Variants in PITPNM3 observed in about 807,000 individuals in gnomAD.
PITPNM3 encodes the protein PITPNM family member 3.
A neutral mutation model predicts 102.0 loss-of-function variants in PITPNM3; 26 were observed. The ratio of observed to expected loss-of-function variants is 0.25; its 90% CI spans 0.19 to 0.35. The LOEUF (loss-of-function observed/expected upper bound fraction) is 0.35, where lower values mean the gene tolerates loss of function less well. Ranked by LOEUF, PITPNM3 falls within the 10% of genes least tolerant of loss-of-function variation. PITPNM3 has a pLI of 1.00. For synonymous variants in PITPNM3, 578 were observed against 558.6 expected (o/e 1.03, Z -0.49); for missense variants, 1,083 against 1,346.1 (o/e 0.80, Z 3.06).
chr17:6,525,761 A>C (rs975532568), intron 2 of PITPNM3, among the ~76,000 whole-genome samples: 2 of 152,234 alleles, frequency 1.3e-5, no homozygotes, highest in African/African-American at 2.4e-5. Context: ...TATCTCTTGA[A>C]AGTCAGTGTG....
intron 2 of PITPNM3, among the ~76,000 whole-genome samples, chr17:6,536,534 C>T (rs1467459893): frequency 6.6e-6 from 1 of 152,126 alleles, no homozygotes; most frequent in African/African-American, 2.4e-5. Flanking sequence ...AAGGGGTTCC[C>T]CGCCCAGAGC....
intron 3 of PITPNM3, among the ~76,000 whole-genome samples, chr17:6,514,307 A>G (rs1230359320): frequency 7.7e-6 from 1 of 129,968 alleles, no homozygotes; most frequent in Non-Finnish European, 1.7e-5. Context: ...AAAAGACATT[A>G]TCAAAAAAAA....
intron 8 of PITPNM3, among the ~76,000 whole-genome samples, chr17:6,477,700 C>T (rs1905394907): frequency 6.6e-6 from 1 of 152,162 alleles, no homozygotes; most frequent in Non-Finnish European, 1.5e-5. Context: ...CACCCACCAC[C>T]ATGCCCGGCT....
At position 6,453,376 on chromosome 17, in the gene PITPNM3, G is replaced by C. The variant is rs1380892345; in HGVS notation, c.*1962C>G. ...TAGGGTTGGGGTGGCTATGCCATAT[G>C]AGCTGGTGCCTTTGGAAAGCCAAGA... is the stretch of plus-strand genomic sequence containing the variant. On this transcript the variant is annotated 3_prime_UTR_variant, in exon 20 of 20. Transcript: ENST00000262483. The C allele has an allele frequency of 6.6e-6, 1 of 152,350 alleles. No individual in the cohort carries two copies. Among genetic ancestry groups the C allele is most frequent in the Non-Finnish European group, 1.5e-5 (1 of 68,146 alleles). 9.4% of individuals were successfully genotyped at this position (152,350 alleles called of 1,614,324 possible).
chr17:6,464,514 G>A (rs1904661691), intron 15 of PITPNM3, 141 bp downstream of exon 15: 1 of 1,072,976 alleles, frequency 9.3e-7, no homozygotes, highest in Non-Finnish European at 1.4e-6. Context: ...GCCCGCCCAA[G>A]CAGGTGGGTA....
chr17:6,492,489 A>G (rs968554368), intron 4 of PITPNM3, among the ~76,000 whole-genome samples: 1 of 152,232 alleles, frequency 6.6e-6, no homozygotes, highest in East Asian at 1.9e-4. Context: ...GTATAAAAGG[A>G]TAAGAAATGC....
rs1401279916 is a variant in PITPNM3, at chr17:6,455,574, T to C, written c.2689A>G (p.Asn897Asp). The C allele has an allele frequency of 1.9e-6, 3 of 1,599,404 alleles. No individual in the cohort carries two copies. In the African/African-American group the frequency reaches 4.1e-5, roughly 22 times the overall value. Residue 897 changes from asparagine to aspartate, a missense_variant, in exon 20 of 20, where the codon AAC (asparagine) becomes GAC (aspartate). Physicochemically the swap from Asn to Asp is conservative, Grantham distance 23. This residue lies in a region of PITPNM3 where 208 missense variants were observed against 178.2 expected (regional missense o/e 1.17). Transcript: ENST00000262483. The stretch of plus-strand genomic sequence containing the variant: ...TTGCGCAGGATCATGCGCGAGTTGT[T>C]CTTCTTTGGGCGTGAGCGGTGGCTG... Reference protein sequence around the residue: ...EASHRSRPKKNNSRMILRKGS... With the variant: ...EASHRSRPKKDNSRMILRKGS...
At chr17:6,477,340 CA>C in intron 8 of PITPNM3, 127 bp from the exon 9 acceptor site, 2 of 991,232 alleles carry the variant, frequency 2.0e-6, no homozygotes. Context: ...ACCCTTCTTC[CA>C]AAAGACACAG....
intron 4 of PITPNM3, among the ~76,000 whole-genome samples, chr17:6,501,044 C>T (rs566711606): frequency 6.6e-6 from 1 of 152,314 alleles, no homozygotes; most frequent in South Asian, 2.1e-4. Flanking sequence ...ACTACTTAAA[C>T]ACACATTTTT....
intron 9 of PITPNM3, 24 bp from the exon 10 acceptor site, chr17:6,474,628 G>A: frequency 6.5e-7 from 1 of 1,549,948 alleles, no homozygotes. Context: ...AGGACGCAGG[G>A]CAGGGCAGGT....
chr17:6,554,734 C>T (rs1597426258), intron 1 of PITPNM3, among the ~76,000 whole-genome samples: 1 of 133,646 alleles, frequency 7.5e-6, no homozygotes, highest in Non-Finnish European at 1.5e-5. Context: ...TCCAATAGAC[C>T]TGGCTGTGAG....
chr17:6,457,784 C>T lies in PITPNM3; in HGVS notation c.2491-62G>A. On this transcript the variant is annotated intron_variant, in intron 18 of 19. Transcript: ENST00000262483. The surrounding 1 kb of genome is among the most constrained non-coding windows in gnomAD (Gnocchi z 4.7). Reference sequence around the variant, plus strand: ...CAGCCCACCCCCTGGAAAGCCTTCCCAGGCCAACCCCAGGGGGCCCCTGCT... The same window carrying T: ...CAGCCCACCCCCTGGAAAGCCTTCCTAGGCCAACCCCAGGGGGCCCCTGCT... The T allele has an allele frequency of 6.5e-7, 1 of 1,547,888 alleles. No homozygotes were observed. Among genetic ancestry groups the T allele is most frequent in the Non-Finnish European group, 8.7e-7 (1 of 1,146,476 alleles).
At position 6,472,611 on chromosome 17, in the gene PITPNM3, C is replaced by T. The variant is rs755037929; in HGVS notation, c.1429+46G>A. On this transcript the variant is annotated intron_variant, in intron 11 of 19. Coordinates refer to ENST00000262483, the MANE Select transcript of PITPNM3 (RefSeq NM_031220.4). The surrounding 1 kb of genome is among the most constrained non-coding windows in gnomAD (Gnocchi z 4.1). ...CTTGGAGGGGTTGAATGGGCTGGGGCCCCACCTCCAGCTCAGCACACTCTC... is the reference window on the plus strand; with the variant it reads ...CTTGGAGGGGTTGAATGGGCTGGGGTCCCACCTCCAGCTCAGCACACTCTC... The T allele has an allele frequency of 3.2e-6, 5 of 1,586,526 alleles. No homozygotes were observed. Among genetic ancestry groups the T allele is most frequent in the Non-Finnish European group, 4.3e-6 (5 of 1,167,326 alleles).
intron 3 of PITPNM3, among the ~76,000 whole-genome samples, chr17:6,513,459 T>C (rs1907984423): frequency 6.6e-6 from 1 of 152,292 alleles, no homozygotes; most frequent in Non-Finnish European, 1.5e-5. Flanking sequence ...GGTTGCAATA[T>C]AGAGGATCAA....
Position 6,469,420 on chromosome 17 carries a change from AAG to A in PITPNM3, c.1773+838_1773+839del, listed in dbSNP as rs1904948365. 1.8e-5 allele frequency among the ~76,000 whole-genome samples: 2 copies of A among 113,358 alleles called. No homozygotes were observed. 74.4% of individuals were successfully genotyped at this position (113,358 alleles called of 152,430 possible). A position where few individuals can be genotyped will look rare whatever the true frequency, so the allele number is the denominator to read the frequency against. On this transcript the variant is annotated intron_variant, in intron 13 of 19. Transcript: ENST00000262483. This position sits in a 1 kb window ranked among gnomAD's most constrained non-coding sequence, Gnocchi z 4.0. ...GCCCAGCACACTCTCTCCCACCCCC[AAG>A]AACCTACAAACAAAACTCACTTTCC...
At position 6,538,374 on chromosome 17, in the gene PITPNM3, G is replaced by A. The variant is rs543835153; in HGVS notation, c.23-292C>T. 1.8e-4 allele frequency among the ~76,000 whole-genome samples: 27 copies of A among 151,162 alleles called. No individual in the cohort carries two copies. In the South Asian group the frequency reaches 3.7e-3, roughly 21 times the overall value. Reference sequence around the variant, plus strand: ...TGCCAAGGTGACTTTGCCAAGCAGCGTCTCAGTCAGCACAGGGGAAGCTCT... The same window carrying A: ...TGCCAAGGTGACTTTGCCAAGCAGCATCTCAGTCAGCACAGGGGAAGCTCT... On this transcript the variant is annotated intron_variant, in intron 1 of 19. Transcript: ENST00000262483.
At chr17:6,461,202 G>A (rs1390763235) in intron 18 of PITPNM3, among the ~76,000 whole-genome samples, 171 bp downstream of exon 18, 1 of 152,204 alleles carries the variant, frequency 6.6e-6, no homozygotes, top group Admixed American at 6.5e-5. Context: ...TCAACGACGA[G>A]ACTAATAACC....
chr17:6,516,150 G>A (rs1036497623), intron 3 of PITPNM3, among the ~76,000 whole-genome samples: 20 of 152,212 alleles, frequency 1.3e-4, no homozygotes, highest in African/African-American at 4.1e-4. Context: ...GGAGACTGAT[G>A]AAGAGAAAAT....
rs1268269477 is a variant in PITPNM3 at position 6,461,417 on chromosome 17, G to T, written c.2446C>A (p.Pro816Thr). 5 of 1,614,182 alleles carry T rather than the reference G, an allele frequency of 3.1e-6. No individual in the cohort carries two copies. Among genetic ancestry groups the T allele is most frequent in the Non-Finnish European group, 4.2e-6 (5 of 1,180,044 alleles). The change falls in exon 18 of 20, where the codon CCG (proline) becomes ACG (threonine). Residue 816 changes from proline (P) to threonine (T), a missense_variant. This residue lies in a region of PITPNM3 where 410 missense variants were observed against 638.4 expected (regional missense o/e 0.64). Coordinates refer to ENST00000262483, the MANE Select transcript of PITPNM3 (RefSeq NM_031220.4). ...AGGAAGATGGCCTTCTGCCGCAGCG[G>T]GTCATGCACCAGCCCATCGGAGAAG... ...IFFSDGLVHD[P>T]LRQKAIFLRN...
Sources: gnomAD v4.1 joint callset for allele counts (sites outside exome capture counted in the v4.1 genomes callset) on GRCh38, gnomAD v4.1.1 for gene constraint, gnomAD v4.1.1 regional missense constraint, Gnocchi (gnomAD v3.1) non-coding constraint, MANE v1.5 for transcripts, NCBI Gene and HGNC (gene_info 2026-07-23, HGNC 2026-07-21) for gene names.